GRM7: variants seen among roughly 807,000 people sequenced by gnomAD.
GRM7 encodes glutamate metabotropic receptor 7.
GRM7 carries 35 observed loss-of-function variants against 84.5 expected under a neutral mutation model. That is an observed-to-expected ratio of 0.41 (90% confidence interval 0.32 to 0.55). The LOEUF (loss-of-function observed/expected upper bound fraction) is 0.55, where lower values mean the gene tolerates loss of function less well. Among genes scored for constraint, GRM7 ranks in the 20% least tolerant of loss-of-function variants. The pLI is 0.19. For synonymous variants in GRM7, 487 were observed against 455.1 expected (o/e 1.07, Z -0.89); for missense variants, 1,003 against 1,194.6 (o/e 0.84, Z 2.36).
intron 6 of GRM7, among the ~76,000 whole-genome samples, chr3:7,456,991 A>G (rs1299144254): frequency 6.6e-6 from 1 of 152,172 alleles, no homozygotes; most frequent in Non-Finnish European, 1.5e-5. Flanking sequence ...AGAAAAGAAA[A>G]TATTTGTCCA....
At chr3:7,125,128 T>C (rs1436169803) in intron 1 of GRM7, among the ~76,000 whole-genome samples, 2 of 152,024 alleles carry the variant, frequency 1.3e-5, no homozygotes, top group Non-Finnish European at 2.9e-5. Flanking sequence ...TTAGTAGATA[T>C]GGGGTTTCGC....
chr3:7,645,289 C>T (rs1222576550), intron 8 of GRM7, among the ~76,000 whole-genome samples: 1 of 152,080 alleles, frequency 6.6e-6, no homozygotes, highest in Non-Finnish European at 1.5e-5. Flanking sequence ...TGGCTCACGC[C>T]TGTAATCCCA....
chr3:7,215,244 C>T lies in GRM7; in HGVS notation c.736+68576C>T, dbSNP rs80071239. ...TTACAAATTGGTTAATATGTTGGAA[C>T]GAATAGATATTTAGGAGTTAAAAGA... is the stretch of plus-strand genomic sequence containing the variant. On this transcript the variant is annotated intron_variant, in intron 2 of 9. Transcript: ENST00000357716. Among the ~76,000 whole-genome samples the T allele has an allele frequency of 2.1e-3, 315 of 152,204 alleles. 3 individuals carry two copies. The highest frequency in any genetic ancestry group is 6.9e-3 in the African/African-American group (288 of 41,524).
chr3:7,244,141 C>A (rs1697666548), intron 2 of GRM7, among the ~76,000 whole-genome samples: 2 of 151,990 alleles, frequency 1.3e-5, no homozygotes, highest in South Asian at 4.1e-4. Flanking sequence ...ATTATGTTTT[C>A]TTCACTAATA....
chr3:7,096,990 C>T (rs1574897251), intron 1 of GRM7, among the ~76,000 whole-genome samples: 1 of 152,136 alleles, frequency 6.6e-6, no homozygotes, highest in East Asian at 1.9e-4. Flanking sequence ...TTTCTTCCAA[C>T]TGAATTGTAG....
intron 1 of GRM7, among the ~76,000 whole-genome samples, chr3:7,070,401 A>C (rs1445831413): frequency 6.6e-6 from 1 of 152,112 alleles, no homozygotes; most frequent in African/African-American, 2.4e-5. Flanking sequence ...CTTCTGATTG[A>C]ATGATTTGCA....
intron 1 of GRM7, among the ~76,000 whole-genome samples, chr3:6,927,238 G>T (rs1050359520): frequency 6.6e-6 from 1 of 152,026 alleles, no homozygotes; most frequent in East Asian, 1.9e-4. Flanking sequence ...GACCGGCCTG[G>T]CCAACATGGT....
intron 7 of GRM7, among the ~76,000 whole-genome samples, chr3:7,485,343 G>A (rs1413012808): frequency 6.6e-6 from 1 of 152,132 alleles, no homozygotes. Context: ...TCAGTGAAAT[G>A]TTCCTTAAGG....
chr3:7,194,037 T>C (rs1465873422), intron 2 of GRM7, among the ~76,000 whole-genome samples: 3 of 152,144 alleles, frequency 2.0e-5, no homozygotes, highest in Non-Finnish European at 4.4e-5. Flanking sequence ...TCTTTTCTCA[T>C]TACTTTTCAA....
chr3:7,615,235 T>C (rs919899646), intron 8 of GRM7, among the ~76,000 whole-genome samples: 2 of 151,846 alleles, frequency 1.3e-5, no homozygotes, highest in African/African-American at 2.4e-5. Context: ...TAAATCTGTG[T>C]GTCACTGTCT....
At chr3:7,428,778 TAAG>T (rs1696712727) in intron 5 of GRM7, among the ~76,000 whole-genome samples, 1 of 152,158 alleles carries the variant, frequency 6.6e-6, no homozygotes, top group Admixed American at 6.5e-5. Flanking sequence ...AGAATAATAA[TAAG>T]AAATTCAGGT....
At chr3:7,461,769 A>G in intron 7 of GRM7, 47 bp downstream of exon 7, 1 of 1,571,816 alleles carries the variant, frequency 6.4e-7, no homozygotes, top group Non-Finnish European at 8.8e-7. Flanking sequence ...ATGAATGAAC[A>G]GACTTTTAAT....
chr3:7,269,444 AC>A (rs34231933), intron 2 of GRM7, among the ~76,000 whole-genome samples: 74,186 of 150,968 alleles, frequency 0.49, 19,204 homozygotes, highest in African/African-American at 0.67. Context: ...TGATGCCTGA[AC>A]CCCCCCCCCA....
chr3:7,428,497 A>G (rs1409611311), intron 5 of GRM7, among the ~76,000 whole-genome samples: 1 of 152,084 alleles, frequency 6.6e-6, no homozygotes, highest in Non-Finnish European at 1.5e-5. Flanking sequence ...ATGAGTGCTT[A>G]CTCTTGAAAA....
chr3:6,895,881 A>C (rs1334412749), intron 1 of GRM7, among the ~76,000 whole-genome samples: 1 of 152,034 alleles, frequency 6.6e-6, no homozygotes, highest in Non-Finnish European at 1.5e-5. Flanking sequence ...GTAAAAATAT[A>C]TATTTATTCC....
At chr3:7,604,656 C>A (rs2125073633) in intron 8 of GRM7, among the ~76,000 whole-genome samples, 1 of 152,282 alleles carries the variant, frequency 6.6e-6, no homozygotes, top group Middle Eastern at 3.4e-3. Flanking sequence ...AGAACATCAT[C>A]CTAAAATATG....
At chr3:7,042,822 T>C (rs942784099) in intron 1 of GRM7, among the ~76,000 whole-genome samples, 1 of 152,178 alleles carries the variant, frequency 6.6e-6, no homozygotes, top group African/African-American at 2.4e-5. Context: ...ATATTGGTCA[T>C]TTTTTATGTC....
chr3:7,363,515 G>T (rs929510557), intron 4 of GRM7, among the ~76,000 whole-genome samples: 1 of 152,056 alleles, frequency 6.6e-6, no homozygotes, highest in African/African-American at 2.4e-5. Flanking sequence ...TATTTTACTC[G>T]TTTCAATTAT....
intron 8 of GRM7, among the ~76,000 whole-genome samples, chr3:7,661,855 G>C (rs946289872): frequency 8.9e-6 from 1 of 111,996 alleles, no homozygotes; most frequent in Non-Finnish European, 2.2e-5. Context: ...AAAATACTTT[G>C]GCAATTTTTT....
Sources: gnomAD v4.1 joint callset for allele counts (sites outside exome capture counted in the v4.1 genomes callset) on GRCh38, gnomAD v4.1.1 for gene constraint, MANE v1.5 for transcripts, NCBI Gene and HGNC (gene_info 2026-07-23, HGNC 2026-07-21) for gene names.